The following HGH1 variants were observed in gnomAD, a reference collection of about 807,000 sequenced individuals.
The protein encoded by HGH1 is HGH1 cochaperone.
HGH1 carries 31 observed loss-of-function variants against 31.7 expected under a neutral mutation model. The ratio of observed to expected loss-of-function variants is 0.98; its 90% CI spans 0.73 to 1.32. HGH1 has a LOEUF of 1.32. Ranked by LOEUF, HGH1 falls within the 40% of genes most tolerant of loss-of-function variation. HGH1 has a pLI of 0.00. For missense variants in HGH1, 618 were observed against 594.4 expected, an observed-to-expected ratio of 1.04 and a Z score of -0.41; for synonymous variants, 284 against 293.6, an observed-to-expected ratio of 0.97 and a Z score of 0.34.
chr8:144,137,997 C>A lies in HGH1; in HGVS notation c.162C>A (p.Gly54=). Residue 54 remains glycine, a synonymous_variant, in exon 1 of 6, where the codon GGC becomes GGA. Coordinates refer to ENST00000347708, the MANE Select transcript of HGH1 (RefSeq NM_016458.4). ...HVLALTGCGP[G]RALLAGQAAL... ...TGGCGCTGACTGGCTGCGGACCCGG[C>A]CGCGCGCTGTTGGCGGGGCAGGCGG... 7.6e-7 allele frequency: 1 copy of A among 1,320,516 alleles called. No homozygotes were observed. The highest frequency in any genetic ancestry group is 9.7e-7 in the Non-Finnish European group (1 of 1,035,830). 81.8% of individuals were successfully genotyped at this position (1,320,516 alleles called of 1,614,324 possible).
At position 144,138,234 on chromosome 8, in the gene HGH1, C is replaced by G. The variant is rs1815123332; in HGVS notation, c.399C>G (p.Arg133=). 7.2e-7 allele frequency: 1 copy of G among 1,381,868 alleles called. No homozygotes were observed. The highest frequency in any genetic ancestry group is 9.3e-7 in the Non-Finnish European group (1 of 1,077,442). 85.6% of individuals were successfully genotyped at this position (1,381,868 alleles called of 1,614,324 possible). The part of the protein sequence containing the change: ...EAAAALANLS[R]EPAPCAALMA... The stretch of plus-strand genomic sequence containing the variant: ...CCGCCGCGCTAGCCAACCTCAGTCG[C>G]GAGCCGGCGCCGTGTGCAGCGCTCA... The change falls in exon 1 of 6, where the codon CGC becomes CGG. Residue 133 remains arginine (R), a synonymous_variant. Transcript: ENST00000347708.
At chr8:144,139,346 G>C in intron 5 of HGH1, 35 bp downstream of exon 5, 1 of 1,613,938 alleles carries the variant, frequency 6.2e-7, no homozygotes. Flanking sequence ...GGGAAGGGGT[G>C]TCTGTAGCTG....
Position 144,140,170 on chromosome 8 carries a change from AG to A in HGH1, c.*619del, listed in dbSNP as rs1313040117. The A allele has an allele frequency of 6.2e-6, 1 of 160,310 alleles. No individual in the cohort carries two copies. Among genetic ancestry groups the A allele is most frequent in the African/African-American group, 2.4e-5 (1 of 41,404 alleles). The allele number at this position is 160,310 out of a possible 1,614,324, so 9.9% of individuals were successfully genotyped here. On this transcript the variant is annotated 3_prime_UTR_variant, in exon 6 of 6. Coordinates refer to ENST00000347708, the MANE Select transcript of HGH1 (RefSeq NM_016458.4). The stretch of plus-strand genomic sequence containing the variant: ...CTTCCTGTTTCCCAGTCTCAGATTG[AG>A]TGGGTGCTCTCATTGGCCTCTCTAG...
In HGH1 at chr8:144,138,009, G is replaced by A; in HGVS notation, c.174G>A (p.Leu58=). The change falls in exon 1 of 6, where the codon TTG becomes TTA. Residue 58 remains leucine (L), a synonymous_variant. Coordinates refer to ENST00000347708, the MANE Select transcript of HGH1 (RefSeq NM_016458.4). ...GCTGCGGACCCGGCCGCGCGCTGTTGGCGGGGCAGGCGGCGCTGCTGCAGG... is the reference window on the plus strand; with the variant it reads ...GCTGCGGACCCGGCCGCGCGCTGTTAGCGGGGCAGGCGGCGCTGCTGCAGG... ...LTGCGPGRAL[L]AGQAALLQAL... The A allele has an allele frequency of 4.6e-6, 6 of 1,305,536 alleles. No homozygotes were observed. Among genetic ancestry groups the A allele is most frequent in the Non-Finnish European group, 5.8e-6 (6 of 1,026,652 alleles). 80.9% of individuals were successfully genotyped at this position (1,305,536 alleles called of 1,614,324 possible). A position where few individuals can be genotyped will look rare whatever the true frequency, so the allele number is the denominator to read the frequency against.
rs1339951705 is a variant in HGH1, at chr8:144,139,693, C to T, written c.*141C>T. ...TCTGAGAAGCAGAGCTACGCTTAGG[C>T]TCCAGTAAGGATTGGAGGCACTTTC... On this transcript the variant is annotated 3_prime_UTR_variant, in exon 6 of 6. Coordinates refer to ENST00000347708, the MANE Select transcript of HGH1 (RefSeq NM_016458.4). The T allele has an allele frequency of 3.2e-6, 4 of 1,267,480 alleles. No individual in the cohort carries two copies. The highest frequency in any genetic ancestry group is 2.5e-5 in the East Asian group (1 of 39,530). 78.5% of individuals were successfully genotyped at this position (1,267,480 alleles called of 1,614,324 possible).
Position 144,137,995 on chromosome 8 carries a change from G to T in HGH1, c.160G>T (p.Gly54Cys), listed in dbSNP as rs1445463190. The T allele has an allele frequency of 7.6e-7, 1 of 1,322,472 alleles. No homozygotes were observed. The highest frequency in any genetic ancestry group is 1.5e-5 in the African/African-American group (1 of 64,794). 81.9% of individuals were successfully genotyped at this position (1,322,472 alleles called of 1,614,324 possible). A position where few individuals can be genotyped will look rare whatever the true frequency, so the allele number is the denominator to read the frequency against. Residue 54 changes from glycine (G) to cysteine (C), a missense_variant, in exon 1 of 6, where the codon GGC becomes TGC. Gly to Cys is a radical substitution (Grantham distance 159, BLOSUM62 -3). Coordinates refer to ENST00000347708, the MANE Select transcript of HGH1 (RefSeq NM_016458.4). ...GCTGGCGCTGACTGGCTGCGGACCC[G>T]GCCGCGCGCTGTTGGCGGGGCAGGC... ...HVLALTGCGP[G>C]RALLAGQAAL...
In HGH1 at chr8:144,139,059, G is replaced by A. The variant is rs766775226; in HGVS notation, c.844G>A (p.Asp282Asn). The change falls in exon 4 of 6, where the codon GAT becomes AAT. Residue 282 changes from aspartate to asparagine, a missense_variant. Asp to Asn is a conservative substitution (Grantham distance 23, BLOSUM62 1). Coordinates refer to ENST00000347708, the MANE Select transcript of HGH1 (RefSeq NM_016458.4). ...GCCACCAGACAAGCAGCGAGAACCT[G>A]ATGCAGACATCCGCAAGATGCTTGT... The part of the protein sequence containing the change: ...YLPPDKQREP[D>N]ADIRKMLVEA... The A allele has an allele frequency of 2.8e-5, 45 of 1,614,014 alleles. No homozygotes were observed. The East Asian group carries it at 8.9e-4, about 32-fold the overall frequency.
Position 144,138,539 on chromosome 8 carries a change from A to G in HGH1, c.626A>G (p.Gln209Arg). The G allele has an allele frequency of 1.9e-6, 3 of 1,611,908 alleles. No homozygotes were observed. The highest frequency in any genetic ancestry group is 1.7e-4 in the Middle Eastern group (1 of 5,892). Residue 209 changes from glutamine to arginine, a missense_variant, in exon 2 of 6, where the codon CAG becomes CGG. Transcript: ENST00000347708. ...GTCCAGCGGCTGCTGCCCCTTACCCAGTACCCCGACTCCTCTGTACGCAGG... is the reference window on the plus strand; with the variant it reads ...GTCCAGCGGCTGCTGCCCCTTACCCGGTACCCCGACTCCTCTGTACGCAGG... Reference protein sequence around the residue: ...CVVQRLLPLTQYPDSSVRRGG... With the variant: ...CVVQRLLPLTRYPDSSVRRGG...
rs1451350533 is a variant in HGH1 at position 144,140,411 on chromosome 8, G to A, written c.*859G>A. 1.3e-5 allele frequency: 2 copies of A among 152,612 alleles called. No individual in the cohort carries two copies. Among genetic ancestry groups the A allele is most frequent in the South Asian group, 2.1e-4 (1 of 4,834 alleles). 9.5% of individuals were successfully genotyped at this position (152,612 alleles called of 1,614,324 possible). On this transcript the variant is annotated 3_prime_UTR_variant, in exon 6 of 6. Transcript: ENST00000347708. ...TGTGCATCCCTCACCTGCCAGTTAT[G>A]TGGCTGCCAAGCCCCACAGGCTGTC... is the stretch of plus-strand genomic sequence containing the variant.
chr8:144,138,666 G>C (rs1385072168), intron 2 of HGH1, 49 bp from the exon 3 acceptor site: 2 of 1,609,994 alleles, frequency 1.2e-6, no homozygotes, highest in African/African-American at 2.7e-5. Flanking sequence ...CTCCGGGGCT[G>C]CTCTGGACCA....
Position 144,138,058 on chromosome 8 carries a change from T to C in HGH1, c.223T>C (p.Ser75Pro), listed in dbSNP as rs2130177740. 1 of 1,311,548 alleles carries C rather than the reference T, an allele frequency of 7.6e-7. No homozygotes were observed. Among genetic ancestry groups the C allele is most frequent in the South Asian group, 1.8e-5 (1 of 55,932 alleles). 81.2% of individuals were successfully genotyped at this position (1,311,548 alleles called of 1,614,324 possible). A position where few individuals can be genotyped will look rare whatever the true frequency, so the allele number is the denominator to read the frequency against. Reference sequence around the variant, plus strand: ...GGCGCTGATGGAGCTGGCGCCGGCCTCTGCCCCGGCCCGGGACGCCGCCCG... The same window carrying C: ...GGCGCTGATGGAGCTGGCGCCGGCCCCTGCCCCGGCCCGGGACGCCGCCCG... ...LQALMELAPASAPARDAARAL... is the reference protein window; with the variant it reads ...LQALMELAPAPAPARDAARAL... The change falls in exon 1 of 6, where the codon TCT (serine) becomes CCT (proline). Residue 75 changes from serine (S) to proline (P), a missense_variant. By Grantham distance (74) the Ser-to-Pro change is moderately conservative (BLOSUM62 -1). Coordinates refer to ENST00000347708, the MANE Select transcript of HGH1 (RefSeq NM_016458.4).
chr8:144,138,149 T>G lies in HGH1; in HGVS notation c.314T>G (p.Leu105Arg). The G allele has an allele frequency of 4.6e-6, 6 of 1,305,362 alleles. No individual in the cohort carries two copies. The highest frequency in any genetic ancestry group is 5.8e-6 in the Non-Finnish European group (6 of 1,029,712). 80.9% of individuals were successfully genotyped at this position (1,305,362 alleles called of 1,614,324 possible). Residue 105 changes from leucine (L) to arginine (R), a missense_variant, in exon 1 of 6, where the codon CTG (leucine) becomes CGG (arginine). Physicochemically the swap from Leu to Arg is moderately radical, Grantham distance 102. Coordinates refer to ENST00000347708, the MANE Select transcript of HGH1 (RefSeq NM_016458.4). Reference protein sequence around the residue: ...HETLLAADPGLPARLMGRALD... With the variant: ...HETLLAADPGRPARLMGRALD... Reference sequence around the variant, plus strand: ...ACATTGCTGGCGGCCGACCCCGGGCTGCCAGCGCGCCTGATGGGCCGCGCG... The same window carrying G: ...ACATTGCTGGCGGCCGACCCCGGGCGGCCAGCGCGCCTGATGGGCCGCGCG...
chr8:144,139,376 C>G lies in HGH1; in HGVS notation c.1009-12C>G, dbSNP rs1379081224. The G allele has an allele frequency of 1.2e-6, 2 of 1,613,818 alleles. No individual in the cohort carries two copies. On this transcript the variant is annotated splice_polypyrimidine_tract_variant and intron_variant, in intron 5 of 5. Transcript: ENST00000347708. ...TAGCTGGCCAGCTGCTCACCTGCTTCCCGTCTGGCAGGTGCTTATTGGGGA... is the reference window on the plus strand; with the variant it reads ...TAGCTGGCCAGCTGCTCACCTGCTTGCCGTCTGGCAGGTGCTTATTGGGGA...
chr8:144,139,453 T>C lies in HGH1; in HGVS notation c.1074T>C (p.Asp358=). ...ENLLEVQVPE[D]VEQQLQQLDC... The stretch of plus-strand genomic sequence containing the variant: ...TGCTGGAGGTGCAGGTGCCTGAGGA[T>C]GTGGAGCAGCAGCTGCAGCAGCTGG... Residue 358 remains aspartate, a synonymous_variant, in exon 6 of 6, where the codon GAT becomes GAC. Coordinates refer to ENST00000347708, the MANE Select transcript of HGH1 (RefSeq NM_016458.4). The C allele has an allele frequency of 1.3e-6, 2 of 1,595,676 alleles. No homozygotes were observed. Among genetic ancestry groups the C allele is most frequent in the South Asian group, 1.1e-5 (1 of 88,954 alleles).
chr8:144,138,037 C>A lies in HGH1; in HGVS notation c.202C>A (p.Leu68Met). Residue 68 changes from leucine (L) to methionine (M), a missense_variant, in exon 1 of 6, where the codon CTG becomes ATG. Transcript: ENST00000347708. ...LAGQAALLQA[L>M]MELAPASAPA... The stretch of plus-strand genomic sequence containing the variant: ...GGGGCAGGCGGCGCTGCTGCAGGCG[C>A]TGATGGAGCTGGCGCCGGCCTCTGC... 1.5e-6 allele frequency: 2 copies of A among 1,305,610 alleles called. No homozygotes were observed. The highest frequency in any genetic ancestry group is 2.0e-6 in the Non-Finnish European group (2 of 1,025,344). The allele number at this position is 1,305,610 out of a possible 1,614,324, so 80.9% of individuals were successfully genotyped here.
At chr8:144,138,923 C>G (rs950776343) in intron 3 of HGH1, 86 bp from the exon 4 acceptor site, 1 of 1,597,130 alleles carries the variant, frequency 6.3e-7, no homozygotes, top group Non-Finnish European at 8.5e-7. Flanking sequence ...CAGTGAGTTG[C>G]TGAGCACAGG....
chr8:144,138,695 C>T lies in HGH1; in HGVS notation c.695-20C>T. ...TGGACCAGTTTCCATTCCCGTCTCC[C>T]CACCCTCACCATCCCTCAGGACATC... On this transcript the variant is annotated intron_variant, in intron 2 of 5. Transcript: ENST00000347708. 1 of 1,613,726 alleles carries T rather than the reference C, an allele frequency of 6.2e-7. No individual in the cohort carries two copies. Among genetic ancestry groups the T allele is most frequent in the Non-Finnish European group, 8.5e-7 (1 of 1,179,778 alleles).
chr8:144,138,146 G>T lies in HGH1; in HGVS notation c.311G>T (p.Gly104Val). ...LHETLLAADP[G>V]LPARLMGRAL... ...GAGACATTGCTGGCGGCCGACCCCGGGCTGCCAGCGCGCCTGATGGGCCGC... is the reference window on the plus strand; with the variant it reads ...GAGACATTGCTGGCGGCCGACCCCGTGCTGCCAGCGCGCCTGATGGGCCGC... Residue 104 changes from glycine (G) to valine (V), a missense_variant, in exon 1 of 6, where the codon GGG becomes GTG. By Grantham distance (109) the Gly-to-Val change is moderately radical. Coordinates refer to ENST00000347708, the MANE Select transcript of HGH1 (RefSeq NM_016458.4). 2 of 1,305,576 alleles carry T rather than the reference G, an allele frequency of 1.5e-6. No homozygotes were observed. The highest frequency in any genetic ancestry group is 1.9e-6 in the Non-Finnish European group (2 of 1,029,784). 80.9% of individuals were successfully genotyped at this position (1,305,576 alleles called of 1,614,324 possible).
At position 144,137,857 on chromosome 8, in the gene HGH1, G is replaced by A; in HGVS notation, c.22G>A (p.Ala8Thr). 7.7e-7 allele frequency: 1 copy of A among 1,293,876 alleles called. No individual in the cohort carries two copies. The highest frequency in any genetic ancestry group is 9.8e-7 in the Non-Finnish European group (1 of 1,023,224). 80.1% of individuals were successfully genotyped at this position (1,293,876 alleles called of 1,614,324 possible). MGEAGAG[A>T]GASGGPEASP... ...CGACATGGGGGAGGCCGGGGCTGGC[G>A]CTGGCGCCTCGGGAGGGCCGGAGGC... Residue 8 changes from alanine (A) to threonine (T), a missense_variant, in exon 1 of 6, where the codon GCT (alanine) becomes ACT (threonine). By Grantham distance (58) the Ala-to-Thr change is moderately conservative. Transcript: ENST00000347708.
Sources: allele counts gnomAD v4.1 joint callset, GRCh38; gene constraint gnomAD v4.1.1; transcripts MANE v1.5; gene names NCBI Gene and HGNC (gene_info 2026-07-23, HGNC 2026-07-21).